The following UHRF2 variants were observed in gnomAD, a reference collection of about 807,000 sequenced individuals.
UHRF2 encodes ubiquitin like with PHD and ring finger domains 2, also known as E3 ubiquitin-protein ligase UHRF2.
Under a neutral mutation model 96.8 loss-of-function variants are expected in UHRF2, and 23 were observed. The observed-to-expected ratio is 0.24, with a 90% CI of 0.17 to 0.34. The LOEUF (loss-of-function observed/expected upper bound fraction) is 0.34, where lower values mean the gene tolerates loss of function less well. Ranked by LOEUF, UHRF2 falls within the 10% of genes least tolerant of loss-of-function variation. The probability of loss-of-function intolerance (pLI) is 1.00; values close to 1 mark genes in which losing one functional copy is unlikely to be tolerated. For synonymous variants in UHRF2, 385 were observed against 332.6 expected, an observed-to-expected ratio of 1.16 and a Z score of -1.72; for missense variants, 685 against 981.5, an observed-to-expected ratio of 0.70 and a Z score of 4.04.
chr9:6,477,548 G>A (rs1823657506), intron 5 of UHRF2, 74 bp from the exon 6 acceptor site: 3 of 1,397,854 alleles, frequency 2.1e-6, no homozygotes, highest in Non-Finnish European at 2.9e-6. Context: ...TGTTTCCATG[G>A]GCTTTTCTTT....
Position 6,481,811 on chromosome 9 carries a change from A to G in UHRF2, c.1284+45A>G, listed in dbSNP as rs762732211. 3 of 1,590,608 alleles carry G rather than the reference A, an allele frequency of 1.9e-6. No homozygotes were observed. In the East Asian group the frequency reaches 6.7e-5, roughly 36 times the overall value. On this transcript the variant is annotated intron_variant, in intron 7 of 15. Transcript: ENST00000276893. ...TTTCTTCCTAATAGCAAGTTATAAT[A>G]TATAATGTTTTAATACCAATAGTAG... is the stretch of plus-strand genomic sequence containing the variant.
At chr9:6,470,546 A>C (rs1823180323) in intron 4 of UHRF2, among the ~76,000 whole-genome samples, 1 of 152,208 alleles carries the variant, frequency 6.6e-6, no homozygotes, top group African/African-American at 2.4e-5. Context: ...TGGAACATCG[A>C]AATATGGGAC....
chr9:6,480,634 C>G (rs1282579532), intron 6 of UHRF2, among the ~76,000 whole-genome samples: 2 of 152,114 alleles, frequency 1.3e-5, no homozygotes, highest in African/African-American at 4.8e-5. Context: ...ATAATACTTG[C>G]TTTAAATCAC....
chr9:6,448,316 T>A (rs1821643719), intron 3 of UHRF2, among the ~76,000 whole-genome samples: 1 of 152,190 alleles, frequency 6.6e-6, no homozygotes, highest in Non-Finnish European at 1.5e-5. Context: ...GGAAATGTAA[T>A]TAAAGCATAC....
chr9:6,503,992 A>G (rs1197146346), intron 14 of UHRF2, among the ~76,000 whole-genome samples: 2 of 135,568 alleles, frequency 1.5e-5, no homozygotes, highest in South Asian at 4.8e-4. Context: ...AATCAAGAGT[A>G]CTTGATTTTT....
chr9:6,465,902 A>T (rs770571572), intron 4 of UHRF2, among the ~76,000 whole-genome samples: 1 of 152,218 alleles, frequency 6.6e-6, no homozygotes, highest in African/African-American at 2.4e-5. Flanking sequence ...ATCAAATTCT[A>T]TTTTCATGTT....
chr9:6,436,870 A>G (rs181411976), intron 3 of UHRF2, among the ~76,000 whole-genome samples: 1 of 152,366 alleles, frequency 6.6e-6, no homozygotes, highest in East Asian at 1.9e-4. Context: ...ACGTGATGGA[A>G]TTAAATGTTT....
At chr9:6,491,710 G>C (rs201391704) in intron 9 of UHRF2, among the ~76,000 whole-genome samples, 12 of 152,124 alleles carry the variant, frequency 7.9e-5, no homozygotes, top group African/African-American at 2.9e-4. Flanking sequence ...TAGAGGTTGG[G>C]AATAACTGAA....
At chr9:6,487,968 C>A (rs910436144) in intron 9 of UHRF2, among the ~76,000 whole-genome samples, 1 of 151,896 alleles carries the variant, frequency 6.6e-6, no homozygotes, top group Non-Finnish European at 1.5e-5. Context: ...GGGCCGAATC[C>A]AGTGGCTCAT....
intron 4 of UHRF2, chr9:6,468,816 T>G: frequency 2.5e-6 from 1 of 398,368 alleles, no homozygotes; most frequent in Non-Finnish European, 5.0e-6. Flanking sequence ...AGTGGATGGC[T>G]AAGGCATACA....
intron 9 of UHRF2, among the ~76,000 whole-genome samples, chr9:6,487,175 T>TTTA (rs1219013703): frequency 8.3e-4 from 119 of 142,736 alleles, no homozygotes; most frequent in African/African-American, 3.0e-3. Context: ...GCTTTTATTT[T>TTTA]TTTTTCCTTT....
At chr9:6,486,960 G>C in intron 9 of UHRF2, 35 bp downstream of exon 9, 1 of 1,592,028 alleles carries the variant, frequency 6.3e-7, no homozygotes, top group Non-Finnish European at 8.6e-7. Flanking sequence ...ATTAGTACCT[G>C]CCTTGACCAT....
chr9:6,467,224 A>T (rs1822921564), intron 4 of UHRF2, among the ~76,000 whole-genome samples: 1 of 152,182 alleles, frequency 6.6e-6, no homozygotes, highest in South Asian at 2.1e-4. Context: ...CACATGCCTT[A>T]GCTTGTTACC....
chr9:6,505,064 G>C (rs184723733), intron 15 of UHRF2, among the ~76,000 whole-genome samples: 1 of 152,090 alleles, frequency 6.6e-6, no homozygotes, highest in Non-Finnish European at 1.5e-5. Context: ...ATGCCCAGAT[G>C]AATTGAATAT....
chr9:6,471,275 G>A (rs970148480), intron 4 of UHRF2, among the ~76,000 whole-genome samples: 5 of 152,190 alleles, frequency 3.3e-5, no homozygotes, highest in Non-Finnish European at 7.4e-5. Flanking sequence ...CAGTGGCTGT[G>A]CAGGAGAAAT....
intron 6 of UHRF2, among the ~76,000 whole-genome samples, chr9:6,481,416 A>C (rs1823919197): frequency 1.3e-5 from 2 of 152,174 alleles, no homozygotes; most frequent in Admixed American, 1.3e-4. Context: ...TTTGAACTGA[A>C]TTTGAGGATT....
intron 3 of UHRF2, among the ~76,000 whole-genome samples, chr9:6,449,875 T>A (rs1821745708): frequency 6.6e-6 from 1 of 152,218 alleles, no homozygotes; most frequent in South Asian, 2.1e-4. Flanking sequence ...TTGGAGGCAT[T>A]AAGCATGCCC....
At chr9:6,449,389 C>T (rs1277354809) in intron 3 of UHRF2, 1 of 152,238 alleles carries the variant, frequency 6.6e-6, no homozygotes, top group African/African-American at 2.4e-5. Flanking sequence ...TCAGGCTTTT[C>T]CTGCCCCTTC....
chr9:6,458,454 A>ATT (rs201101140), intron 3 of UHRF2, among the ~76,000 whole-genome samples: 106 of 141,700 alleles, frequency 7.5e-4, no homozygotes, highest in East Asian at 5.7e-3. Flanking sequence ...TGGATTGTTG[A>ATT]TTTTTTTTTT....
Sources: gnomAD v4.1 joint callset for allele counts (sites outside exome capture counted in the v4.1 genomes callset) on GRCh38, gnomAD v4.1.1 for gene constraint, MANE v1.5 for transcripts, NCBI Gene and HGNC (gene_info 2026-07-23, HGNC 2026-07-21) for gene names.